ANAPC1: variants seen among roughly 807,000 people sequenced by gnomAD.
ANAPC1 encodes anaphase promoting complex subunit 1.
Under a neutral mutation model 208.0 loss-of-function variants are expected in ANAPC1, and 36 were observed. That is an observed-to-expected ratio of 0.17 (90% CI 0.13 to 0.23). The LOEUF (loss-of-function observed/expected upper bound fraction) is 0.23. Ranked by LOEUF, ANAPC1 falls within the 10% of genes least tolerant of loss-of-function variation. The probability of loss-of-function intolerance (pLI) is 1.00; values close to 1 mark genes in which losing one functional copy is unlikely to be tolerated. For missense variants in ANAPC1, 942 were observed against 2,011.6 expected, an observed-to-expected ratio of 0.47 and a Z score of 10.17; for synonymous variants, 378 against 695.2, an observed-to-expected ratio of 0.54 and a Z score of 7.18.
chr2:111,859,739 A>G (rs1463881809), intron 10 of ANAPC1, among the ~76,000 whole-genome samples: 2 of 152,174 alleles, frequency 1.3e-5, no homozygotes, highest in African/African-American at 4.8e-5. Flanking sequence ...ACGAGGCTCT[A>G]AGGCTTGAGC....
At chr2:111,866,203 CA>C (rs55845483) in intron 7 of ANAPC1, 6,826 of 216,892 alleles carry the variant, frequency 0.031, no homozygotes, top group Middle Eastern at 0.06. Context: ...GACTCTGTCT[CA>C]AAAAAAAAAA....
At chr2:111,881,337 G>A (rs1683287059) in intron 1 of ANAPC1, among the ~76,000 whole-genome samples, 1 of 152,090 alleles carries the variant, frequency 6.6e-6, no homozygotes, top group Non-Finnish European at 1.5e-5. Context: ...AGGTTGAACT[G>A]CTTTCAGCTG....
chr2:111,859,144 C>T (rs1681911902), intron 10 of ANAPC1, among the ~76,000 whole-genome samples: 1 of 152,162 alleles, frequency 6.6e-6, no homozygotes, highest in Non-Finnish European at 1.5e-5. Context: ...TCATTCACAT[C>T]TCTTTTTGAA....
intron 13 of ANAPC1, chr2:111,856,342 A>C (rs1681720706): frequency 3.2e-6 from 1 of 312,988 alleles, no homozygotes; most frequent in African/African-American, 2.2e-5. Context: ...TAACTTTAAA[A>C]AAAAAAAAAA....
rs763690278 is a variant in ANAPC1 at position 111,794,250 on chromosome 2, A to C, written c.4447T>G (p.Ser1483Ala). The change falls in exon 36 of 48, where the codon TCA becomes GCA. Residue 1483 changes from serine (S) to alanine (A), a missense_variant. Coordinates refer to ENST00000341068, the MANE Select transcript of ANAPC1 (RefSeq NM_022662.4). The stretch of plus-strand genomic sequence containing the variant: ...CTTCTTACCAAACAGTTAAATGCTG[A>C]TAAGTTTTCTGAGCCAGCAAATCGA... Reference protein sequence around the residue: ...GFRFAGSENLSAFNCLHKFAK... With the variant: ...GFRFAGSENLAAFNCLHKFAK... 6.2e-7 allele frequency: 1 copy of C among 1,612,810 alleles called. No individual in the cohort carries two copies. The highest frequency in any genetic ancestry group is 1.1e-5 in the South Asian group (1 of 90,598).
rs1030264500 is a variant in ANAPC1 at position 111,768,104 on chromosome 2, T to C, written c.*1187A>G. 7 of 152,264 alleles carry C rather than the reference T, an allele frequency of 4.6e-5. No homozygotes were observed. Among genetic ancestry groups the C allele is most frequent in the African/African-American group, 1.7e-4 (7 of 41,470 alleles). 9.4% of individuals were successfully genotyped at this position (152,264 alleles called of 1,614,324 possible). A position where few individuals can be genotyped will look rare whatever the true frequency, so the allele number is the denominator to read the frequency against. ...AGTCAGTGGATGAAGGTCTTGCTTC[T>C]ACCAGCTTATGATCCCACTGGCCAT... On this transcript the variant is annotated 3_prime_UTR_variant, in exon 48 of 48. Coordinates refer to ENST00000341068, the MANE Select transcript of ANAPC1 (RefSeq NM_022662.4).
In ANAPC1 at chr2:111,858,295, C is replaced by T. The variant is rs1168714300; in HGVS notation, c.1358+11G>A. ...ATTTATACAGAAACAATGGGAAAGA[C>T]ATACACCTACCGTAACTGGAGCTGG... On this transcript the variant is annotated intron_variant, in intron 11 of 47. Transcript: ENST00000341068. 2 of 1,603,008 alleles carry T rather than the reference C, an allele frequency of 1.2e-6. No homozygotes were observed. Among genetic ancestry groups the T allele is most frequent in the Admixed American group, 3.3e-5 (2 of 59,796 alleles).
At chr2:111,878,402 G>A (rs1368803791) in intron 3 of ANAPC1, among the ~76,000 whole-genome samples, 1 of 152,192 alleles carries the variant, frequency 6.6e-6, no homozygotes, top group South Asian at 2.1e-4. Flanking sequence ...AACTGCAATG[G>A]CTGCAAAGCA....
chr2:111,850,822 A>C lies in ANAPC1; in HGVS notation c.1604T>G (p.Val535Gly). Residue 535 changes from valine to glycine, a missense_variant, in exon 14 of 48, where the codon GTT (valine) becomes GGT (glycine). Physicochemically the swap from Val to Gly is moderately radical, Grantham distance 109. Coordinates refer to ENST00000341068, the MANE Select transcript of ANAPC1 (RefSeq NM_022662.4). ...MPRPSTPLDG[V>G]STPKPLSKLL... ...TTTACTAAGAGGCTTTGGAGTACTA[A>C]CGCCATCTAGTGGAGTACTGGGCCG... 4 of 1,611,998 alleles carry C rather than the reference A, an allele frequency of 2.5e-6. No individual in the cohort carries two copies. The highest frequency in any genetic ancestry group is 3.4e-6 in the Non-Finnish European group (4 of 1,179,860).
intron 21 of ANAPC1, among the ~76,000 whole-genome samples, chr2:111,828,865 T>C (rs1679976091): frequency 6.6e-6 from 1 of 152,138 alleles, no homozygotes; most frequent in Non-Finnish European, 1.5e-5. Context: ...GTACGGACAG[T>C]GGTGATGGCA....
intron 14 of ANAPC1, among the ~76,000 whole-genome samples, chr2:111,849,948 A>G (rs766702429): frequency 2.2e-4 from 33 of 152,048 alleles, no homozygotes; most frequent in Non-Finnish European, 3.8e-4. Flanking sequence ...GCACATTAGT[A>G]AGAGTGTAAA....
At chr2:111,829,609 A>T (rs1312465796) in intron 21 of ANAPC1, among the ~76,000 whole-genome samples, 1 of 152,192 alleles carries the variant, frequency 6.6e-6, no homozygotes, top group Non-Finnish European at 1.5e-5. Context: ...TGAAGGTTTG[A>T]TCTTGGACAT....
At chr2:111,840,227 G>A (rs1055346071) in intron 17 of ANAPC1, among the ~76,000 whole-genome samples, 2 of 152,002 alleles carry the variant, frequency 1.3e-5, no homozygotes, top group Non-Finnish European at 1.5e-5. Context: ...ATTGTGTAAC[G>A]AGTCATTGGC....
chr2:111,800,230 T>C (rs1248947639), intron 34 of ANAPC1, among the ~76,000 whole-genome samples: 2 of 146,350 alleles, frequency 1.4e-5, no homozygotes, highest in Non-Finnish European at 3.0e-5. Context: ...ATCTTTGAGA[T>C]TTTTCTTCTG....
At chr2:111,837,439 G>A (rs1367851070) in intron 18 of ANAPC1, among the ~76,000 whole-genome samples, 2 of 152,160 alleles carry the variant, frequency 1.3e-5, no homozygotes, top group African/African-American at 4.8e-5. Context: ...GACCAACATG[G>A]TGAAACCCCA....
chr2:111,779,310 C>A (rs531484889), intron 44 of ANAPC1: 2 of 148,670 alleles, frequency 1.3e-5, no homozygotes, highest in African/African-American at 2.5e-5. Flanking sequence ...AATACCTATT[C>A]TCAGGGTCAT....
intron 8 of ANAPC1, 31 bp from the exon 9 acceptor site, chr2:111,863,926 A>C (rs1448952270): frequency 1.3e-6 from 2 of 1,542,460 alleles, no homozygotes; most frequent in African/African-American, 2.8e-5. Flanking sequence ...AAGAGGAAAA[A>C]AAAAAAAACA....
At chr2:111,879,825 T>C (rs1683204185) in intron 2 of ANAPC1, among the ~76,000 whole-genome samples, 1 of 151,980 alleles carries the variant, frequency 6.6e-6, no homozygotes, top group Admixed American at 6.6e-5. Context: ...TGAGCTGAGA[T>C]TGTGCCATTG....
At chr2:111,772,720 T>C (rs1174292197) in intron 46 of ANAPC1, among the ~76,000 whole-genome samples, 2 of 152,090 alleles carry the variant, frequency 1.3e-5, no homozygotes, top group African/African-American at 4.8e-5. Context: ...TAATTACAAA[T>C]TGTGAGGAGT....
Sources: allele counts gnomAD v4.1 joint callset (sites outside exome capture counted in the v4.1 genomes callset), GRCh38; gene constraint gnomAD v4.1.1; transcripts MANE v1.5; gene names NCBI Gene and HGNC (gene_info 2026-07-23, HGNC 2026-07-21).